CHL1: variants seen among roughly 807,000 people sequenced by gnomAD.
The protein encoded by CHL1 is cell adhesion molecule L1 like.
Under a neutral mutation model 141.9 loss-of-function variants are expected in CHL1, and 96 were observed. The ratio of observed to expected loss-of-function variants is 0.68; its 90% CI spans 0.57 to 0.80. CHL1 has a LOEUF of 0.80. Among genes scored for constraint, CHL1 ranks in the 30% least tolerant of loss-of-function variants. CHL1 has a pLI of 0.00. For missense variants in CHL1, 1,820 were observed against 1,457.2 expected (o/e 1.25, Z -4.05); for synonymous variants, 613 against 502.2 (o/e 1.22, Z -2.95).
intron 11 of CHL1, among the ~76,000 whole-genome samples, chr3:358,732 T>C (rs1703939422): frequency 6.6e-6 from 1 of 151,942 alleles, no homozygotes; most frequent in African/African-American, 2.4e-5. Flanking sequence ...TTGTGACTCC[T>C]AGGCAGAAAA....
At chr3:337,185 G>GTTT (rs1159691986) in intron 5 of CHL1, among the ~76,000 whole-genome samples, 7 of 81,108 alleles carry the variant, frequency 8.6e-5, no homozygotes, top group African/African-American at 9.8e-5. Flanking sequence ...ACATTCTTTT[G>GTTT]TTTTTGTTTT....
intron 1 of CHL1, among the ~76,000 whole-genome samples, chr3:221,855 A>T (rs1700871987): frequency 6.6e-6 from 1 of 152,230 alleles, no homozygotes; most frequent in Admixed American, 6.5e-5. Flanking sequence ...TTATTGACTC[A>T]ATTTATAAAA....
At chr3:381,721 G>C (rs910526574) in intron 16 of CHL1, among the ~76,000 whole-genome samples, 1 of 152,072 alleles carries the variant, frequency 6.6e-6, no homozygotes, top group Non-Finnish European at 1.5e-5. Flanking sequence ...CATGGATGTG[G>C]CTCCCTTTAG....
intron 13 of CHL1, among the ~76,000 whole-genome samples, chr3:362,882 C>T (rs1414597391): frequency 6.6e-6 from 1 of 152,062 alleles, no homozygotes; most frequent in African/African-American, 2.4e-5. Context: ...CATTTAGTAC[C>T]CTGGAGCAAT....
rs113676981 is a variant in CHL1 at position 250,087 on chromosome 3, C to G, written c.-95+5395C>G. Reference sequence around the variant, plus strand: ...GCTCAAATGATTCTCTTGCCTTAGCCTCTTGAGCAGCTGGCACTACAGGCA... The same window carrying G: ...GCTCAAATGATTCTCTTGCCTTAGCGTCTTGAGCAGCTGGCACTACAGGCA... On this transcript the variant is annotated intron_variant, in intron 2 of 27. Coordinates refer to ENST00000256509, the MANE Select transcript of CHL1 (RefSeq NM_006614.4). 4.6e-3 allele frequency among the ~76,000 whole-genome samples: 696 copies of G among 152,030 alleles called. 6 individuals are homozygous for G. The highest frequency in any genetic ancestry group is 0.016 in the African/African-American group (677 of 41,476).
chr3:395,301 T>C (rs991634092), intron 24 of CHL1, among the ~76,000 whole-genome samples: 1 of 152,254 alleles, frequency 6.6e-6, no homozygotes, highest in East Asian at 1.9e-4. Context: ...CTTCACTCTA[T>C]ATACATTGAT....
At position 383,948 on chromosome 3, in the gene CHL1, T is replaced by C. The variant is rs561276046; in HGVS notation, c.2247+62T>C. ...CTTTTCTCTTCCTCTTAGGTCTGCA[T>C]GCTAACTACAATGATAGCACAACAT... On this transcript the variant is annotated intron_variant, in intron 19 of 27. Transcript: ENST00000256509. 18 of 1,106,342 alleles carry C rather than the reference T, an allele frequency of 1.6e-5. No individual in the cohort carries two copies. The African/African-American group carries it at 1.8e-4, about 11-fold the overall frequency. 68.5% of individuals were successfully genotyped at this position (1,106,342 alleles called of 1,614,324 possible). A position where few individuals can be genotyped will look rare whatever the true frequency, so the allele number is the denominator to read the frequency against.
chr3:325,051 C>T (rs192269102), intron 3 of CHL1, among the ~76,000 whole-genome samples: 5 of 151,028 alleles, frequency 3.3e-5, no homozygotes, highest in Non-Finnish European at 5.9e-5. Flanking sequence ...GTTAAATTCT[C>T]TAAGGAAACA....
At chr3:287,840 A>G (rs1439728798) in intron 2 of CHL1, among the ~76,000 whole-genome samples, 1 of 151,690 alleles carries the variant, frequency 6.6e-6, no homozygotes, top group Non-Finnish European at 1.5e-5. Context: ...ATCTCAGTTC[A>G]CTGCAACCTC....
At chr3:331,948 C>T (rs559178650) in intron 5 of CHL1, among the ~76,000 whole-genome samples, 10 of 152,320 alleles carry the variant, frequency 6.6e-5, no homozygotes, top group African/African-American at 2.4e-4. Flanking sequence ...TTGCAATATA[C>T]ATCCAACAGA....
chr3:358,087 CA>C (rs143329738), intron 11 of CHL1, among the ~76,000 whole-genome samples: 311 of 152,226 alleles, frequency 2.0e-3, no homozygotes, highest in African/African-American at 7.2e-3. Context: ...ATTAAATTAC[CA>C]TAAACTTAGT....
At chr3:330,722 C>T (rs547848865) in intron 5 of CHL1, among the ~76,000 whole-genome samples, 6 of 152,132 alleles carry the variant, frequency 3.9e-5, no homozygotes, top group African/African-American at 1.4e-4. Flanking sequence ...GAAATGTGAC[C>T]AGCTGGTTCA....
intron 8 of CHL1, 29 bp from the exon 9 acceptor site, chr3:344,560 A>G: frequency 6.3e-7 from 1 of 1,577,098 alleles, no homozygotes; most frequent in Non-Finnish European, 8.6e-7. Context: ...AATTTGAAAA[A>G]ATTCTGACTT....
chr3:266,556 G>A (rs564691236), intron 2 of CHL1, among the ~76,000 whole-genome samples: 9 of 152,084 alleles, frequency 5.9e-5, no homozygotes, highest in Non-Finnish European at 1.3e-4. Context: ...CTGTGAAAAC[G>A]TGAAGCTCCA....
intron 1 of CHL1, among the ~76,000 whole-genome samples, chr3:239,340 GGCTACTTGATTA>G (rs1353437502): frequency 9.2e-5 from 14 of 152,248 alleles, no homozygotes; most frequent in African/African-American, 3.4e-4. Context: ...AGTTCTAAAA[GGCTACTTGATTA>G]GCTTACGATC....
In CHL1 at chr3:309,805, G is replaced by A. The variant is rs551760177; in HGVS notation, c.-94-9878G>A. Reference sequence around the variant, plus strand: ...GCTAGGAATACAAGCATGAGGCACTGCACTTGATCCTATGTTTTTCTAATT... The same window carrying A: ...GCTAGGAATACAAGCATGAGGCACTACACTTGATCCTATGTTTTTCTAATT... On this transcript the variant is annotated intron_variant, in intron 2 of 27. Coordinates refer to ENST00000256509, the MANE Select transcript of CHL1 (RefSeq NM_006614.4). 3.0e-4 allele frequency among the ~76,000 whole-genome samples: 45 copies of A among 152,254 alleles called. No homozygotes were observed. The South Asian group carries it at 7.9e-3, about 27-fold the overall frequency.
chr3:336,180 T>G (rs1359079180), intron 5 of CHL1, among the ~76,000 whole-genome samples: 1 of 152,142 alleles, frequency 6.6e-6, no homozygotes, highest in Non-Finnish European at 1.5e-5. Context: ...ACTTTGAGAC[T>G]CAGGTAACAC....
intron 5 of CHL1, among the ~76,000 whole-genome samples, chr3:337,650 AATG>A (rs1198612575): frequency 6.6e-6 from 1 of 151,856 alleles, no homozygotes; most frequent in Admixed American, 6.6e-5. Flanking sequence ...ATTTGCTGAT[AATG>A]ATGGTTTTCA....
intron 11 of CHL1, 27 bp downstream of exon 11, chr3:354,798 A>AATGCT (rs1298857641): frequency 6.2e-7 from 1 of 1,611,766 alleles, no homozygotes; most frequent in Admixed American, 1.7e-5. Context: ...ATTGCAATGC[A>AATGCT]ATGCTGAAGG....
Sources: allele counts gnomAD v4.1 joint callset (sites outside exome capture counted in the v4.1 genomes callset), GRCh38; gene constraint gnomAD v4.1.1; transcripts MANE v1.5; gene names NCBI Gene and HGNC (gene_info 2026-07-23, HGNC 2026-07-21).